The following SAMMSON variants were observed in gnomAD, a reference collection of about 807,000 sequenced individuals.
SAMMSON encodes the protein survival associated mitochondrial melanoma specific oncogenic non-coding RNA.
chr3:70,012,369 T>G (rs1308860093), exon 2 of SAMMSON: 3 of 152,036 alleles, frequency 2.0e-5, no homozygotes, highest in Admixed American at 6.6e-5. Flanking sequence ...GGGCTCAATG[T>G]CATCACAAGG....
In SAMMSON at chr3:70,160,880, C is replaced by T. The variant is rs139818750; in HGVS notation, n.508-88227C>T. Among the ~76,000 whole-genome samples the T allele has an allele frequency of 8.5e-3, 1,296 of 152,152 alleles. 11 individuals carry two copies. Among genetic ancestry groups the T allele is most frequent in the Middle Eastern group, 0.014 (4 of 294 alleles). On this transcript the variant is annotated intron_variant and non_coding_transcript_variant, in intron 4 of 9. Transcript: ENST00000642114. Reference sequence around the variant, plus strand: ...CTTCTCAGCAATGTTTTATAATTTTCAGTATAGAAGTCTATAATTTTAAAT... The same window carrying T: ...CTTCTCAGCAATGTTTTATAATTTTTAGTATAGAAGTCTATAATTTTAAAT...
At chr3:70,335,455 T>G (rs936038181) in intron 7 of SAMMSON, among the ~76,000 whole-genome samples, 1 of 152,044 alleles carries the variant, frequency 6.6e-6, no homozygotes, top group Admixed American at 6.6e-5. Flanking sequence ...AAATTTTATC[T>G]AAGTTTTTTT....
intron 4 of SAMMSON, among the ~76,000 whole-genome samples, chr3:70,090,653 C>G (rs933420805): frequency 6.6e-6 from 1 of 151,228 alleles, no homozygotes; most frequent in Admixed American, 6.6e-5. Flanking sequence ...TGTAGAACAC[C>G]ACATAATTGC....
intron 4 of SAMMSON, among the ~76,000 whole-genome samples, chr3:70,196,692 C>G (rs1701184825): frequency 6.6e-6 from 1 of 152,162 alleles, no homozygotes; most frequent in Non-Finnish European, 1.5e-5. Context: ...AAGATTTGTT[C>G]ATCACATGTG....
intron 2 of SAMMSON, among the ~76,000 whole-genome samples, chr3:70,402,375 GCA>G (rs1267022080): frequency 1.3e-5 from 2 of 152,222 alleles, no homozygotes; most frequent in East Asian, 1.9e-4. Context: ...CAATATGCAT[GCA>G]CAGTTTTAGG....
chr3:70,319,417 A>G (rs553460094), intron 7 of SAMMSON, among the ~76,000 whole-genome samples: 1 of 152,176 alleles, frequency 6.6e-6, no homozygotes, highest in Non-Finnish European at 1.5e-5. Flanking sequence ...TGGTTTTATA[A>G]CTATGTATGA....
intron 3 of SAMMSON, among the ~76,000 whole-genome samples, chr3:70,023,142 T>A (rs1211086473): frequency 7.2e-5 from 11 of 152,074 alleles, no homozygotes; most frequent in Admixed American, 7.2e-4. Context: ...TAATTTCCAG[T>A]CTCAAAGACT....
At chr3:70,226,607 G>A (rs1023032695) in intron 4 of SAMMSON, among the ~76,000 whole-genome samples, 3 of 151,710 alleles carry the variant, frequency 2.0e-5, no homozygotes, top group Middle Eastern at 3.4e-3. Flanking sequence ...GCATGGTGGC[G>A]GGTGCCTGTA....
At chr3:70,120,719 T>G (rs112707274) in intron 4 of SAMMSON, 5,631 of 152,316 alleles carry the variant, frequency 0.037, 166 homozygotes, top group Non-Finnish European at 0.056. Flanking sequence ...GAGTATCCTC[T>G]AGCACCTAGT....
chr3:70,410,087 C>G (rs921886570), intron 2 of SAMMSON, among the ~76,000 whole-genome samples: 15 of 152,184 alleles, frequency 9.9e-5, no homozygotes, highest in African/African-American at 3.1e-4. Flanking sequence ...ATCCACAAGC[C>G]TCAGGCTTCT....
At chr3:70,282,346 T>C (rs1702094183) in intron 6 of SAMMSON, among the ~76,000 whole-genome samples, 1 of 152,150 alleles carries the variant, frequency 6.6e-6, no homozygotes, top group Non-Finnish European at 1.5e-5. Context: ...CCCTATCAAA[T>C]TCCCAAATGC....
At chr3:70,323,660 G>A (rs980076190) in intron 7 of SAMMSON, among the ~76,000 whole-genome samples, 3 of 152,154 alleles carry the variant, frequency 2.0e-5, no homozygotes, top group African/African-American at 7.2e-5. Context: ...AGATTTGAAA[G>A]ACAAATGTGA....
At chr3:70,007,255 G>T (rs1166821291) in intron 1 of SAMMSON, among the ~76,000 whole-genome samples, 2 of 152,260 alleles carry the variant, frequency 1.3e-5, no homozygotes, top group East Asian at 3.9e-4. Flanking sequence ...CTAGTTTACA[G>T]TCCCAACAAC....
intron 3 of SAMMSON, among the ~76,000 whole-genome samples, chr3:70,054,595 T>G (rs2067160354): frequency 6.6e-6 from 1 of 152,094 alleles, no homozygotes; most frequent in South Asian, 2.1e-4. Context: ...TTGACCATGG[T>G]CACCATGTAT....
At chr3:70,310,200 A>C (rs190783591) in intron 7 of SAMMSON, among the ~76,000 whole-genome samples, 288 of 152,232 alleles carry the variant, frequency 1.9e-3, no homozygotes, top group Non-Finnish European at 3.1e-3. Context: ...CTTTTAACAG[A>C]AATGATTCTG....
At chr3:70,266,700 C>A (rs1347395976) in intron 6 of SAMMSON, among the ~76,000 whole-genome samples, 2 of 152,162 alleles carry the variant, frequency 1.3e-5, no homozygotes, top group Admixed American at 6.5e-5. Context: ...TCTGCCTCCG[C>A]CTCCCAAAGT....
intron 4 of SAMMSON, among the ~76,000 whole-genome samples, chr3:70,091,546 T>C (rs937354149): frequency 6.6e-6 from 1 of 152,200 alleles, no homozygotes; most frequent in African/African-American, 2.4e-5. Flanking sequence ...TGTTCACTGA[T>C]TTTATAAAAT....
chr3:70,298,557 G>A (rs1702314032), intron 7 of SAMMSON, among the ~76,000 whole-genome samples: 1 of 152,060 alleles, frequency 6.6e-6, no homozygotes, highest in African/African-American at 2.4e-5. Context: ...CAGATAAGTT[G>A]GCTTCTGAAT....
At chr3:70,016,280 A>C (rs574776684) in intron 3 of SAMMSON, among the ~76,000 whole-genome samples, 12 of 152,176 alleles carry the variant, frequency 7.9e-5, no homozygotes, top group Admixed American at 2.6e-4. Context: ...ATGGAATCTC[A>C]TTGTGGTTTT....
Sources: allele counts gnomAD v4.1 joint callset (sites outside exome capture counted in the v4.1 genomes callset), GRCh38; gene constraint gnomAD v4.1.1; transcripts MANE v1.5; gene names NCBI Gene and HGNC (gene_info 2026-07-23, HGNC 2026-07-21).